PLCD4: variants seen among roughly 807,000 people sequenced by gnomAD.
PLCD4 encodes 1-phosphatidylinositol 4,5-bisphosphate phosphodiesterase delta-4.
In PLCD4, 63 loss-of-function variants were observed where a neutral mutation model predicts 90.2. The observed-to-expected ratio is 0.70, with a 90% CI of 0.57 to 0.86. The LOEUF (loss-of-function observed/expected upper bound fraction) is 0.86. Ranked by LOEUF, PLCD4 falls within the 40% of genes least tolerant of loss-of-function variation. The pLI, the probability that PLCD4 is intolerant of heterozygous loss-of-function variation, is 0.00. For synonymous variants in PLCD4, 294 were observed against 356.5 expected, an observed-to-expected ratio of 0.82 and a Z score of 1.97; for missense variants, 830 against 956.3, an observed-to-expected ratio of 0.87 and a Z score of 1.74.
Position 218,637,159 on chromosome 2 carries a change from A to C in PLCD4, c.*582A>C. 1 of 267,848 alleles carries C rather than the reference A, an allele frequency of 3.7e-6. No homozygotes were observed. The highest frequency in any genetic ancestry group is 7.4e-6 in the Non-Finnish European group (1 of 134,964). The allele number at this position is 267,848 out of a possible 1,614,324, so 16.6% of individuals were successfully genotyped here. A position where few individuals can be genotyped will look rare whatever the true frequency, so the allele number is the denominator to read the frequency against. Reference sequence around the variant, plus strand: ...CTTCCTCCTTAGCCCCACTGGTATAAATACATCTCTCTCCAATTTGGCTTC... The same window carrying C: ...CTTCCTCCTTAGCCCCACTGGTATACATACATCTCTCTCCAATTTGGCTTC... On this transcript the variant is annotated 3_prime_UTR_variant, in exon 16 of 16. Transcript: ENST00000450993.
At chr2:218,630,312 A>T (rs73077186) in intron 8 of PLCD4, among the ~76,000 whole-genome samples, 10 of 152,234 alleles carry the variant, frequency 6.6e-5, no homozygotes, top group African/African-American at 2.2e-4. Flanking sequence ...TGAAAGCATG[A>T]GAGTGCAACA....
intron 4 of PLCD4, among the ~76,000 whole-genome samples, chr2:218,619,731 T>C (rs750557755): frequency 4.6e-5 from 7 of 152,096 alleles, no homozygotes; most frequent in Non-Finnish European, 8.8e-5. Context: ...GGCAGGCAGA[T>C]CACTATGTTG....
At chr2:218,626,903 T>G (rs942163701) in intron 6 of PLCD4, among the ~76,000 whole-genome samples, 3 of 152,186 alleles carry the variant, frequency 2.0e-5, no homozygotes, top group African/African-American at 4.8e-5. Flanking sequence ...TCTATAAAAT[T>G]AGCCCTTTGG....
intron 3 of PLCD4, among the ~76,000 whole-genome samples, chr2:218,616,991 G>A (rs897090257): frequency 2.1e-4 from 23 of 110,228 alleles, no homozygotes; most frequent in African/African-American, 7.7e-4. Context: ...GAGAGATGGA[G>A]TCTCGCTCTG....
intron 1 of PLCD4, among the ~76,000 whole-genome samples, chr2:218,613,483 G>A (rs749929684): frequency 2.0e-4 from 30 of 150,664 alleles, no homozygotes; most frequent in Non-Finnish European, 3.8e-4. Flanking sequence ...CTATTCAAAT[G>A]TAGGTTCTTT....
intron 14 of PLCD4, 21 bp downstream of exon 14, chr2:218,635,952 G>C (rs756498532): frequency 3.1e-6 from 5 of 1,613,950 alleles, no homozygotes; most frequent in Non-Finnish European, 4.2e-6. Flanking sequence ...GGCAGTGCTG[G>C]GGAGGTGGGG....
chr2:218,634,174 C>G lies in PLCD4; in HGVS notation c.1676C>G (p.Ser559Cys). ...RVYPSGLRTD[S>C]SNYNPQELWN... is the part of the protein sequence containing the mutation. ...TATCCCAGCGGCCTGAGGACAGACT[C>G]TTCCAACTACAACCCCCAGGAACTC... Residue 559 changes from serine to cysteine, a missense_variant, in exon 12 of 16, where the codon TCT (serine) becomes TGT (cysteine). Ser to Cys is a moderately radical substitution (Grantham distance 112). Transcript: ENST00000450993. This position sits in a 1 kb window ranked among gnomAD's most constrained non-coding sequence, Gnocchi z 4.0. The G allele has an allele frequency of 6.2e-7, 1 of 1,612,448 alleles. No individual in the cohort carries two copies. Among genetic ancestry groups the G allele is most frequent in the Non-Finnish European group, 8.5e-7 (1 of 1,179,244 alleles).
chr2:218,636,504 G>A lies in PLCD4; in HGVS notation c.2216G>A (p.Gly739Asp), dbSNP rs1166228520. ...YRHIHLLSKD[G>D]ISLRPASIFV... Reference sequence around the variant, plus strand: ...CACATTCACCTGCTGTCCAAAGATGGCATCAGCCTCCGCCCAGCTTCCATC... The same window carrying A: ...CACATTCACCTGCTGTCCAAAGATGACATCAGCCTCCGCCCAGCTTCCATC... The change falls in exon 16 of 16, where the codon GGC becomes GAC. Residue 739 changes from glycine (G) to aspartate (D), a missense_variant. Transcript: ENST00000450993. 1.2e-6 allele frequency: 2 copies of A among 1,613,864 alleles called. No individual in the cohort carries two copies. Among genetic ancestry groups the A allele is most frequent in the African/African-American group, 2.7e-5 (2 of 74,912 alleles).
intron 3 of PLCD4, among the ~76,000 whole-genome samples, chr2:218,616,964 A>AGAGAGAGAGAT: frequency 2.8e-5 from 3 of 105,736 alleles, no homozygotes; most frequent in South Asian, 3.6e-4. Flanking sequence ...AGAGAGAGAG[A>AGAGAGAGAGAT]GAGAGAGAGA....
intron 1 of PLCD4, among the ~76,000 whole-genome samples, chr2:218,611,681 C>T (rs1414956203): frequency 1.3e-5 from 2 of 152,216 alleles, no homozygotes; most frequent in Non-Finnish European, 2.9e-5. Context: ...TCACTGCAAC[C>T]TCTGCCTCCT....
chr2:218,616,083 G>A, intron 3 of PLCD4, 21 bp downstream of exon 3: 1 of 1,610,392 alleles, frequency 6.2e-7, no homozygotes, highest in South Asian at 1.1e-5. Flanking sequence ...TGGATAGTGG[G>A]GGGTGGATAC....
Position 218,636,314 on chromosome 2 carries a change from G to C in PLCD4, c.2104G>C (p.Val702Leu). 8 of 1,614,044 alleles carry C rather than the reference G, an allele frequency of 5.0e-6. No homozygotes were observed. Among genetic ancestry groups the C allele is most frequent in the Non-Finnish European group, 6.8e-6 (8 of 1,179,910 alleles). The change falls in exon 15 of 16, where the codon GTG (valine) becomes CTG (leucine). Residue 702 changes from valine to leucine, a missense_variant. Coordinates refer to ENST00000450993, the MANE Select transcript of PLCD4 (RefSeq NM_032726.4). ...GCCTGAACTTGCCATGCTGCGTTTT[G>C]TGGTAATGGATTATGACTGGAAATC... is the stretch of plus-strand genomic sequence containing the variant. Reference protein sequence around the residue: ...LVPELAMLRFVVMDYDWKSRN... With the variant: ...LVPELAMLRFLVMDYDWKSRN...
Position 218,615,772 on chromosome 2 carries a change from G to A in PLCD4, c.22+11G>A, listed in dbSNP as rs1400365511. On this transcript the variant is annotated intron_variant, in intron 2 of 15. Transcript: ENST00000450993. The stretch of plus-strand genomic sequence containing the variant: ...CCCTGCTGCAAGACCGTGAGTGCCG[G>A]GGCCCCTGCAGGGGAAGAGGCCTTA... 1.2e-6 allele frequency: 2 copies of A among 1,605,668 alleles called. No individual in the cohort carries two copies. The highest frequency in any genetic ancestry group is 2.2e-5 in the South Asian group (2 of 89,708).
intron 1 of PLCD4, chr2:218,609,490 A>T (rs911801994): frequency 6.6e-6 from 1 of 152,178 alleles, no homozygotes; most frequent in Non-Finnish European, 1.5e-5. Flanking sequence ...ATCATTGAAG[A>T]TCTCCATATA....
At chr2:218,636,070 G>C (rs1241713372) in intron 14 of PLCD4, 139 bp downstream of exon 14, 2 of 1,448,262 alleles carry the variant, frequency 1.4e-6, no homozygotes. Flanking sequence ...AAGAATCCTG[G>C]CTCTTCACTT....
chr2:218,608,810 A>G (rs1229161581), intron 1 of PLCD4, among the ~76,000 whole-genome samples: 1 of 152,130 alleles, frequency 6.6e-6, no homozygotes, highest in African/African-American at 2.4e-5. Context: ...TCCAGAGGCT[A>G]TTGATGTAGC....
At chr2:218,629,334 A>C in intron 7 of PLCD4, 185 bp from the exon 8 acceptor site, 1 of 622,420 alleles carries the variant, frequency 1.6e-6, no homozygotes, top group Non-Finnish European at 2.7e-6. Context: ...AAGTATGGGT[A>C]GAGATCAGCG....
At chr2:218,622,411 T>C (rs1695926433) in intron 5 of PLCD4, 2 of 351,702 alleles carry the variant, frequency 5.7e-6, no homozygotes, top group East Asian at 9.3e-5. Context: ...GGAAGCATGT[T>C]TGGATCTATC....
chr2:218,631,652 G>C (rs1696373384), intron 9 of PLCD4, among the ~76,000 whole-genome samples: 1 of 145,944 alleles, frequency 6.9e-6, no homozygotes, highest in Non-Finnish European at 1.5e-5. Context: ...AATTAGCTGG[G>C]CATGATGGTG....
Sources: gnomAD v4.1 joint callset for allele counts (sites outside exome capture counted in the v4.1 genomes callset) on GRCh38, gnomAD v4.1.1 for gene constraint, Gnocchi (gnomAD v3.1) non-coding constraint, MANE v1.5 for transcripts, NCBI Gene and HGNC (gene_info 2026-07-23, HGNC 2026-07-21) for gene names.